The following ATXN7 variants were observed in gnomAD, a reference collection of about 807,000 sequenced individuals.
The protein encoded by ATXN7 is ataxin-7.
Under a neutral mutation model 70.5 loss-of-function variants are expected in ATXN7, and 12 were observed. That is an observed-to-expected ratio of 0.17 (90% CI 0.11 to 0.28). The LOEUF (loss-of-function observed/expected upper bound fraction) is 0.28, where lower values mean the gene tolerates loss of function less well. Ranked by LOEUF, ATXN7 falls within the 10% of genes least tolerant of loss-of-function variation. ATXN7 has a pLI of 1.00. For missense variants in ATXN7, 1,256 were observed against 1,131.7 expected, an observed-to-expected ratio of 1.11 and a Z score of -1.58; for synonymous variants, 498 against 448.7, an observed-to-expected ratio of 1.11 and a Z score of -1.39.
rs545386798 is a variant in ATXN7, at chr3:63,936,505, A to T, written c.395-15874A>T. On this transcript the variant is annotated intron_variant, in intron 4 of 12. Coordinates refer to ENST00000674280, the MANE Select transcript of ATXN7 (RefSeq NM_001377405.1). Reference sequence around the variant, plus strand: ...ATCATTAGATATACAGTAAGTTATGACCTCAGTTATATGTTAGGTGGTCTT... The same window carrying T: ...ATCATTAGATATACAGTAAGTTATGTCCTCAGTTATATGTTAGGTGGTCTT... Among the ~76,000 whole-genome samples, 4 of 152,318 alleles carry T rather than the reference A, an allele frequency of 2.6e-5. No homozygotes were observed. In the South Asian group the frequency reaches 8.3e-4, roughly 32 times the overall value.
chr3:63,915,561 T>C (rs2107305265), intron 4 of ATXN7, among the ~76,000 whole-genome samples: 1 of 152,356 alleles, frequency 6.6e-6, no homozygotes, highest in Middle Eastern at 3.4e-3. Context: ...CTTAAAATTA[T>C]CAGCTACCAA....
intron 1 of ATXN7, among the ~76,000 whole-genome samples, chr3:63,874,662 A>T (rs941837126): frequency 6.6e-6 from 1 of 152,146 alleles, no homozygotes. Context: ...TGCCTTATTG[A>T]GGGTGGTTCT....
intron 4 of ATXN7, among the ~76,000 whole-genome samples, chr3:63,934,755 A>G (rs1396305230): frequency 6.6e-6 from 1 of 152,190 alleles, no homozygotes; most frequent in African/African-American, 2.4e-5. Context: ...GTGGGCATGG[A>G]TTTGAATTGT....
chr3:63,993,445 C>G (rs2075705717), intron 11 of ATXN7, among the ~76,000 whole-genome samples: 1 of 150,378 alleles, frequency 6.6e-6, no homozygotes, highest in Non-Finnish European at 1.5e-5. Flanking sequence ...GAGCGAGACT[C>G]CGTCTCAAAA....
intron 4 of ATXN7, among the ~76,000 whole-genome samples, chr3:63,932,497 TTC>T (rs1347428137): frequency 1.3e-5 from 2 of 152,206 alleles, no homozygotes; most frequent in African/African-American, 4.8e-5. Flanking sequence ...AGGGTGATCT[TTC>T]TAATACTCTC....
At chr3:63,897,328 C>G (rs886518269) in intron 1 of ATXN7, among the ~76,000 whole-genome samples, 1 of 152,094 alleles carries the variant, frequency 6.6e-6, no homozygotes, top group African/African-American at 2.4e-5. Flanking sequence ...TTAAGCATTA[C>G]TGAATAGCAT....
intron 8 of ATXN7, among the ~76,000 whole-genome samples, chr3:63,986,079 T>C (rs1252636058): frequency 6.6e-6 from 1 of 152,202 alleles, no homozygotes; most frequent in Non-Finnish European, 1.5e-5. Context: ...TGTGATGATT[T>C]ATCTGGGCTT....
chr3:63,912,630 G>A lies in ATXN7; in HGVS notation c.32G>A (p.Gly11Glu), dbSNP rs897546151. 1.9e-6 allele frequency: 2 copies of A among 1,059,590 alleles called. No individual in the cohort carries two copies. Among genetic ancestry groups the A allele is most frequent in the Non-Finnish European group, 2.3e-6 (2 of 869,386 alleles). The allele number at this position is 1,059,590 out of a possible 1,614,324, so 65.6% of individuals were successfully genotyped here. Reference sequence around the variant, plus strand: ...GAGCGGGCCGCGGATGACGTCAGGGGGGAGCCGCGCCGCGCGGCGGCGGCG... The same window carrying A: ...GAGCGGGCCGCGGATGACGTCAGGGAGGAGCCGCGCCGCGCGGCGGCGGCG... MSERAADDVR[G>E]EPRRAAAAAG... is the part of the protein sequence containing the mutation. Residue 11 changes from glycine (G) to glutamate (E), a missense_variant, in exon 3 of 13, where the codon GGG (glycine) becomes GAG (glutamate). Physicochemically the swap from Gly to Glu is moderately conservative, Grantham distance 98 (BLOSUM62 -2). Transcript: ENST00000674280.
intron 1 of ATXN7, among the ~76,000 whole-genome samples, chr3:63,889,955 A>G (rs1477048101): frequency 6.6e-6 from 1 of 152,162 alleles, no homozygotes; most frequent in African/African-American, 2.4e-5. Context: ...CCTTGATCAC[A>G]TTTGTTTTCT....
intron 4 of ATXN7, among the ~76,000 whole-genome samples, chr3:63,936,950 A>G (rs1484839161): frequency 6.6e-6 from 1 of 152,238 alleles, no homozygotes; most frequent in Non-Finnish European, 1.5e-5. Flanking sequence ...TCAAATGACC[A>G]CAATCTAATT....
chr3:63,938,289 C>T (rs17069497), intron 4 of ATXN7, among the ~76,000 whole-genome samples: 2,664 of 152,260 alleles, frequency 0.017, 92 homozygotes, highest in African/African-American at 0.059. Flanking sequence ...ATTAGGTCTT[C>T]TAGTTTTTGA....
intron 1 of ATXN7, among the ~76,000 whole-genome samples, chr3:63,868,960 G>A (rs984987432): frequency 1.3e-5 from 2 of 152,156 alleles, no homozygotes; most frequent in Non-Finnish European, 2.9e-5. Flanking sequence ...TTGTCAATAG[G>A]AAAGGGTCTG....
At chr3:63,914,933 T>C (rs1220960276) in intron 4 of ATXN7, among the ~76,000 whole-genome samples, 1 of 152,212 alleles carries the variant, frequency 6.6e-6, no homozygotes, top group Non-Finnish European at 1.5e-5. Context: ...GTTTTGTTTT[T>C]TGAGACGGAG....
At chr3:63,953,147 T>A (rs975482344) in intron 5 of ATXN7, among the ~76,000 whole-genome samples, 1 of 152,166 alleles carries the variant, frequency 6.6e-6, no homozygotes, top group Non-Finnish European at 1.5e-5. Flanking sequence ...AGATATACTT[T>A]AAAAATAACT....
chr3:63,918,683 C>CA (rs1437739947), intron 4 of ATXN7, among the ~76,000 whole-genome samples: 13 of 152,024 alleles, frequency 8.6e-5, no homozygotes, highest in Non-Finnish European at 1.8e-4. Context: ...TCTTTTGAGG[C>CA]AAGTCAGGCT....
chr3:63,867,729 A>C (rs996203814), intron 1 of ATXN7, among the ~76,000 whole-genome samples: 3 of 151,874 alleles, frequency 2.0e-5, no homozygotes, highest in African/African-American at 7.3e-5. Flanking sequence ...CTCTACCAAA[A>C]ATACAAAAAA....
chr3:63,967,813 G>C, intron 5 of ATXN7: 1 of 1,514,306 alleles, frequency 6.6e-7, no homozygotes. Flanking sequence ...TGTTACATAA[G>C]CCCAAACATG....
chr3:63,887,846 T>C (rs2107237924), intron 1 of ATXN7, among the ~76,000 whole-genome samples: 1 of 151,908 alleles, frequency 6.6e-6, no homozygotes, highest in Admixed American at 6.6e-5. Flanking sequence ...GTGCTGGGAT[T>C]ACAGATGTGT....
intron 4 of ATXN7, among the ~76,000 whole-genome samples, chr3:63,943,813 A>T (rs1260846712): frequency 6.6e-6 from 1 of 151,974 alleles, no homozygotes; most frequent in Non-Finnish European, 1.5e-5. Flanking sequence ...TTTGCAGGGT[A>T]CTCTAGACCA....
Sources: allele counts gnomAD v4.1 joint callset (sites outside exome capture counted in the v4.1 genomes callset), GRCh38; gene constraint gnomAD v4.1.1; transcripts MANE v1.5; gene names NCBI Gene and HGNC (gene_info 2026-07-23, HGNC 2026-07-21).